The following JAK2 variants were observed in gnomAD, a reference collection of about 807,000 sequenced individuals.
The protein encoded by JAK2 is Janus kinase 2.
Under a neutral mutation model 139.3 loss-of-function variants are expected in JAK2, and 86 were observed. The observed-to-expected ratio is 0.62, with a 90% confidence interval of 0.52 to 0.74. JAK2 has a LOEUF of 0.74. Ranked by LOEUF, JAK2 falls within the 30% of genes least tolerant of loss-of-function variation. The pLI is 0.00. For synonymous variants in JAK2, 490 were observed against 437.7 expected (o/e 1.12, Z -1.49); for missense variants, 1,421 against 1,360.3 (o/e 1.04, Z -0.70).
Position 5,126,824 on chromosome 9 carries a change from A to T in JAK2, c.*33A>T, listed in dbSNP as rs1824030821. Reference sequence around the variant, plus strand: ...GACCTTCATTCTGAGACCAAAGTAGATTTACAGAACAAAGTTTTATATTTC... The same window carrying T: ...GACCTTCATTCTGAGACCAAAGTAGTTTTACAGAACAAAGTTTTATATTTC... On this transcript the variant is annotated 3_prime_UTR_variant, in exon 25 of 25. Transcript: ENST00000381652. The T allele has an allele frequency of 7.4e-7, 1 of 1,349,018 alleles. No individual in the cohort carries two copies. The highest frequency in any genetic ancestry group is 2.3e-5 in the East Asian group (1 of 43,456). The allele number at this position is 1,349,018 out of a possible 1,614,324, so 83.6% of individuals were successfully genotyped here. A position where few individuals can be genotyped will look rare whatever the true frequency, so the allele number is the denominator to read the frequency against.
chr9:5,059,714 T>C (rs1275408218), intron 8 of JAK2, among the ~76,000 whole-genome samples: 1 of 152,220 alleles, frequency 6.6e-6, no homozygotes, highest in African/African-American at 2.4e-5. Flanking sequence ...ACTCTTAATT[T>C]TGTCAGTCTA....
chr9:5,090,028 T>C (rs893830098), intron 20 of JAK2, among the ~76,000 whole-genome samples, 165 bp downstream of exon 20: 2 of 152,222 alleles, frequency 1.3e-5, no homozygotes, highest in African/African-American at 4.8e-5. Context: ...ACTATAACTA[T>C]AGGAAGTATT....
At chr9:5,079,439 C>T (rs2130599144) in intron 16 of JAK2, among the ~76,000 whole-genome samples, 1 of 151,766 alleles carries the variant, frequency 6.6e-6, no homozygotes, top group South Asian at 2.1e-4. Flanking sequence ...TTCCATATAT[C>T]TAGAATATTT....
At chr9:5,036,638 C>T (rs1020682630) in intron 4 of JAK2, among the ~76,000 whole-genome samples, 17 of 152,152 alleles carry the variant, frequency 1.1e-4, no homozygotes, top group African/African-American at 4.1e-4. Context: ...ATAAATGGTG[C>T]TGGGAAAACT....
intron 22 of JAK2, among the ~76,000 whole-genome samples, chr9:5,116,289 C>G (rs1823168809): frequency 6.6e-6 from 1 of 152,160 alleles, no homozygotes; most frequent in African/African-American, 2.4e-5. Flanking sequence ...GCTTATAAGC[C>G]TTCCTAACCA....
In JAK2 at chr9:5,065,035, A is replaced by T; in HGVS notation, c.1209A>T (p.Pro403=). The change falls in exon 9 of 25, where the codon CCA becomes CCT. Residue 403 remains proline, a synonymous_variant. Transcript: ENST00000381652. Reference sequence around the variant, plus strand: ...ATATACAAAGCAACTGTCATGGCCCAATTTCGTGAGTAATACAGACTTAAA... The same window carrying T: ...ATATACAAAGCAACTGTCATGGCCCTATTTCGTGAGTAATACAGACTTAAA... ...LENIQSNCHG[P]ISMDFAISKL... is the part of the protein sequence containing the mutation. The T allele has an allele frequency of 6.3e-7, 1 of 1,577,544 alleles. No homozygotes were observed. Among genetic ancestry groups the T allele is most frequent in the Non-Finnish European group, 8.6e-7 (1 of 1,163,540 alleles).
Position 5,054,661 on chromosome 9 carries a change from A to C in JAK2, c.713A>C (p.Gln238Pro). ...AGGTACAGATTTCGCAGATTTATTCAGCAATTCAGCCAATGCAAAGCCACT... is the reference window on the plus strand; with the variant it reads ...AGGTACAGATTTCGCAGATTTATTCCGCAATTCAGCCAATGCAAAGCCACT... ...RIRYRFRRFI[Q>P]QFSQCKATAR... The change falls in exon 7 of 25, where the codon CAG becomes CCG. Residue 238 changes from glutamine to proline, a missense_variant. Transcript: ENST00000381652. The surrounding 1 kb of genome is among the most constrained non-coding windows in gnomAD (Gnocchi z 4.9). 6.2e-7 allele frequency: 1 copy of C among 1,613,362 alleles called. No individual in the cohort carries two copies. Among genetic ancestry groups the C allele is most frequent in the Non-Finnish European group, 8.5e-7 (1 of 1,179,412 alleles).
intron 2 of JAK2, among the ~76,000 whole-genome samples, chr9:4,999,700 T>A (rs1043813448): frequency 2.0e-5 from 3 of 152,048 alleles, no homozygotes; most frequent in Non-Finnish European, 4.4e-5. Flanking sequence ...CCACCCATCT[T>A]GGCCTCCCAA....
chr9:5,045,917 G>A (rs1227342618), intron 5 of JAK2, among the ~76,000 whole-genome samples: 1 of 152,092 alleles, frequency 6.6e-6, no homozygotes, highest in Non-Finnish European at 1.5e-5. Flanking sequence ...AAATGGAATC[G>A]CTGGATCATA....
intron 4 of JAK2, among the ~76,000 whole-genome samples, chr9:5,032,377 G>C (rs992659939): frequency 3.3e-5 from 5 of 152,234 alleles, no homozygotes; most frequent in African/African-American, 1.2e-4. Context: ...AAATGTCCCT[G>C]TCTGACAGCT....
chr9:5,007,789 T>A lies in JAK2; in HGVS notation c.-25-14174T>A, dbSNP rs142434797. ...GGCTGAACTGCAGTGGTGTGATATC[T>A]GAGCCTTGGCTCACTGCAATCTCTG... On this transcript the variant is annotated intron_variant, in intron 2 of 24. Transcript: ENST00000381652. Among the ~76,000 whole-genome samples, 112 of 151,982 alleles carry A rather than the reference T, an allele frequency of 7.4e-4. 1 individual carries two copies. In the East Asian group the frequency reaches 0.014, roughly 20 times the overall value.
chr9:5,124,134 A>T (rs1479524292), intron 23 of JAK2, among the ~76,000 whole-genome samples: 1 of 151,840 alleles, frequency 6.6e-6, no homozygotes, highest in Non-Finnish European at 1.5e-5. Flanking sequence ...CAAAGTTTGC[A>T]AATATTTTCT....
intron 12 of JAK2, among the ~76,000 whole-genome samples, chr9:5,071,908 T>G (rs550660743): frequency 2.0e-5 from 3 of 152,348 alleles, no homozygotes; most frequent in Admixed American, 2.0e-4. Context: ...AATACTAGTA[T>G]TAGTAGTAAT....
chr9:5,069,333 T>C (rs1818788772), intron 11 of JAK2, 125 bp downstream of exon 11: 1 of 631,998 alleles, frequency 1.6e-6, no homozygotes, highest in African/African-American at 1.9e-5. Context: ...TAATTTTATC[T>C]TATTCTATTG....
intron 8 of JAK2, among the ~76,000 whole-genome samples, chr9:5,058,350 C>G (rs1817914831): frequency 6.6e-6 from 1 of 152,154 alleles, no homozygotes; most frequent in African/African-American, 2.4e-5. Flanking sequence ...GCAAGGAAGC[C>G]ATGTCTTACA....
intron 22 of JAK2, among the ~76,000 whole-genome samples, chr9:5,117,099 G>C (rs888412408): frequency 4.6e-5 from 7 of 152,288 alleles, no homozygotes; most frequent in African/African-American, 1.4e-4. Context: ...TCCTCTAAAA[G>C]ATGTGGCAAC....
At chr9:5,022,296 A>G in intron 3 of JAK2, 83 bp downstream of exon 3, 1 of 830,030 alleles carries the variant, frequency 1.2e-6, no homozygotes, top group Non-Finnish European at 1.9e-6. Context: ...CATGCATAAT[A>G]TATATTTTTA....
rs552244191 is a variant in JAK2 at position 5,102,425 on chromosome 9, C to G, written c.3059+11514C>G. Among the ~76,000 whole-genome samples the G allele has an allele frequency of 1.2e-4, 18 of 152,240 alleles. 1 individual carries two copies. Among genetic ancestry groups the G allele is most frequent in the African/African-American group, 4.1e-4 (17 of 41,538 alleles). On this transcript the variant is annotated intron_variant, in intron 22 of 24. Transcript: ENST00000381652. ...CCAAATCTACATTTGATTGTTGTAC[C>G]TGAAAGTGACGGGGAGAATGGAACC...
rs1202969093 is a variant in JAK2, at chr9:5,124,612, C to A, written c.3177+1491C>A. 2.0e-5 allele frequency among the ~76,000 whole-genome samples: 3 copies of A among 151,688 alleles called. No homozygotes were observed. In the East Asian group the frequency reaches 5.8e-4, roughly 29 times the overall value. On this transcript the variant is annotated intron_variant, in intron 23 of 24. Coordinates refer to ENST00000381652, the MANE Select transcript of JAK2 (RefSeq NM_004972.4). The stretch of plus-strand genomic sequence containing the variant: ...CCCTAATAGCAAAAGCGATTCTAAG[C>A]AAAAAGAACAAAGCTGGAAGCATCA...
Sources: allele counts gnomAD v4.1 joint callset (sites outside exome capture counted in the v4.1 genomes callset), GRCh38; gene constraint gnomAD v4.1.1; non-coding constraint Gnocchi (gnomAD v3.1); transcripts MANE v1.5; gene names NCBI Gene and HGNC (gene_info 2026-07-23, HGNC 2026-07-21).